MACROD2: variants seen among roughly 807,000 people sequenced by gnomAD.
MACROD2 encodes the protein ADP-ribose glycohydrolase MACROD2.
Under a neutral mutation model 70.4 loss-of-function variants are expected in MACROD2, and 36 were observed. The observed-to-expected ratio is 0.51, with a 90% CI of 0.39 to 0.68. MACROD2 has a LOEUF of 0.68. Ranked by LOEUF, MACROD2 falls within the 30% of genes least tolerant of loss-of-function variation. The pLI is 0.00. For missense variants in MACROD2, 496 were observed against 538.4 expected (o/e 0.92, Z 0.78); for synonymous variants, 172 against 178.8 (o/e 0.96, Z 0.30).
intron 5 of MACROD2, among the ~76,000 whole-genome samples, chr20:14,840,074 G>C (rs1363198135): frequency 7.7e-6 from 1 of 130,012 alleles, no homozygotes; most frequent in African/African-American, 2.9e-5. Context: ...TTTCACTCTT[G>C]TTGCCCAGGC....
At chr20:14,154,752 A>G (rs894619563) in intron 3 of MACROD2, among the ~76,000 whole-genome samples, 1 of 152,002 alleles carries the variant, frequency 6.6e-6, no homozygotes, top group African/African-American at 2.4e-5. Flanking sequence ...GCTCTGCTGT[A>G]GTTCCTGGAA....
chr20:14,599,745 G>A (rs140206283), intron 4 of MACROD2, among the ~76,000 whole-genome samples: 106 of 152,276 alleles, frequency 7.0e-4, no homozygotes, highest in African/African-American at 2.5e-3. Flanking sequence ...CCTGAATAGG[G>A]CAGACAGTGA....
chr20:14,898,447 G>A lies in MACROD2; in HGVS notation c.418+213488G>A, dbSNP rs192033338. 1.1e-3 allele frequency among the ~76,000 whole-genome samples: 166 copies of A among 152,284 alleles called. 2 individuals carry two copies. The highest frequency in any genetic ancestry group is 3.7e-3 in the African/African-American group (152 of 41,550). ...ATTCAACTAATAACATTTGGAAATA[G>A]GCCAGGTGCCGTGGCTCACGCGTAT... is the stretch of plus-strand genomic sequence containing the variant. On this transcript the variant is annotated intron_variant, in intron 5 of 17. Transcript: ENST00000684519.
At chr20:15,366,116 T>G (rs528127860) in intron 6 of MACROD2, among the ~76,000 whole-genome samples, 5 of 152,222 alleles carry the variant, frequency 3.3e-5, no homozygotes, top group Non-Finnish European at 7.3e-5. Flanking sequence ...TTTTTTAAAT[T>G]TCAGCCATCT....
chr20:14,870,614 T>C (rs74437192), intron 5 of MACROD2, among the ~76,000 whole-genome samples: 5,548 of 152,198 alleles, frequency 0.036, 175 homozygotes, highest in Non-Finnish European at 0.05. Flanking sequence ...TATTATTTTT[T>C]TTTTGACTTT....
At chr20:15,196,961 C>G in intron 5 of MACROD2, 1 of 985,332 alleles carries the variant, frequency 1.0e-6, no homozygotes, top group Non-Finnish European at 1.2e-6. Context: ...CCCTTTGGGC[C>G]TCAGGTATCC....
chr20:15,369,065 A>G (rs2045454345), intron 6 of MACROD2, among the ~76,000 whole-genome samples: 2 of 152,096 alleles, frequency 1.3e-5, no homozygotes, highest in African/African-American at 4.8e-5. Context: ...GATAGGAGAG[A>G]TTCTATTTTC....
At chr20:15,301,584 A>C (rs1047876950) in intron 6 of MACROD2, among the ~76,000 whole-genome samples, 3 of 103,552 alleles carry the variant, frequency 2.9e-5, no homozygotes, top group African/African-American at 9.5e-5. Flanking sequence ...GTAAGATGGT[A>C]GGTGGCCTTT....
At chr20:15,090,450 C>G (rs1171143658) in intron 5 of MACROD2, among the ~76,000 whole-genome samples, 1 of 152,004 alleles carries the variant, frequency 6.6e-6, no homozygotes, top group Admixed American at 6.6e-5. Flanking sequence ...TTCTACCTTC[C>G]TCACTGCTTA....
chr20:14,190,698 A>ATATATAT (rs2081379303), intron 3 of MACROD2, among the ~76,000 whole-genome samples: 3 of 28,098 alleles, frequency 1.1e-4, no homozygotes, highest in African/African-American at 3.6e-4. Context: ...ATATATATAT[A>ATATATAT]TTTTTTTTTT....
chr20:14,148,772 T>C (rs1569180091), intron 3 of MACROD2, among the ~76,000 whole-genome samples: 1 of 152,216 alleles, frequency 6.6e-6, no homozygotes, highest in Non-Finnish European at 1.5e-5. Flanking sequence ...TCTCAGCTCC[T>C]GAACTGTGGA....
chr20:14,926,064 A>G (rs1420687512), intron 5 of MACROD2, among the ~76,000 whole-genome samples: 1 of 152,200 alleles, frequency 6.6e-6, no homozygotes, highest in Non-Finnish European at 1.5e-5. Context: ...ACAAATCTGT[A>G]TCAGTAAGGC....
At chr20:14,067,922 ATCTC>A (rs1409289675) in intron 2 of MACROD2, among the ~76,000 whole-genome samples, 1 of 152,168 alleles carries the variant, frequency 6.6e-6, no homozygotes, top group African/African-American at 2.4e-5. Context: ...TAGTTGATTG[ATCTC>A]TCTGTGTCTC....
At chr20:15,764,920 C>T (rs926572836) in intron 8 of MACROD2, among the ~76,000 whole-genome samples, 4 of 152,190 alleles carry the variant, frequency 2.6e-5, no homozygotes, top group African/African-American at 7.2e-5. Context: ...TCTGCTCACT[C>T]TACCCATGCT....
intron 3 of MACROD2, among the ~76,000 whole-genome samples, chr20:14,422,797 C>G (rs1192529456): frequency 2.6e-5 from 4 of 152,180 alleles, no homozygotes; most frequent in African/African-American, 9.7e-5. Context: ...AATAGAGTCA[C>G]AAACCAAAAT....
chr20:14,340,383 G>A (rs746520091), intron 3 of MACROD2, among the ~76,000 whole-genome samples: 1 of 152,130 alleles, frequency 6.6e-6, no homozygotes, highest in Non-Finnish European at 1.5e-5. Context: ...TGCTCAATAA[G>A]ACGATAGCTG....
intron 5 of MACROD2, among the ~76,000 whole-genome samples, chr20:14,836,217 A>T (rs1315908062): frequency 6.6e-6 from 1 of 152,114 alleles, no homozygotes; most frequent in East Asian, 1.9e-4. Flanking sequence ...ACTGCAGAGG[A>T]GGCTTTCAGT....
At chr20:15,606,769 G>A (rs200734) in intron 8 of MACROD2, among the ~76,000 whole-genome samples, 4 of 152,126 alleles carry the variant, frequency 2.6e-5, no homozygotes, top group African/African-American at 4.8e-5. Context: ...TTAGGAGGCC[G>A]AGGCAGGCGG....
chr20:14,695,428 T>G (rs2071112417), intron 5 of MACROD2, among the ~76,000 whole-genome samples: 1 of 152,230 alleles, frequency 6.6e-6, no homozygotes, highest in African/African-American at 2.4e-5. Flanking sequence ...ATCCTTAACT[T>G]AATTGCATTT....
Sources: allele counts gnomAD v4.1 joint callset (sites outside exome capture counted in the v4.1 genomes callset), GRCh38; gene constraint gnomAD v4.1.1; transcripts MANE v1.5; gene names NCBI Gene and HGNC (gene_info 2026-07-23, HGNC 2026-07-21).